The following TLK2 variants were observed in gnomAD, a reference collection of about 807,000 sequenced individuals.
TLK2 encodes serine/threonine-protein kinase tousled-like 2.
In TLK2, 6 loss-of-function variants were observed where a neutral mutation model predicts 117.3. The observed-to-expected ratio is 0.05, with a 90% CI of 0.03 to 0.10. TLK2 has a LOEUF of 0.10. TLK2 is among the 10% of genes least tolerant of loss of function. The pLI is 1.00. For synonymous variants in TLK2, 257 were observed against 316.7 expected, an observed-to-expected ratio of 0.81 and a Z score of 2.00; for missense variants, 299 against 901.2, an observed-to-expected ratio of 0.33 and a Z score of 8.56.
At chr17:62,539,924 G>GTCATTTCCTTTCTATGTCTAACAAACAT (rs1353582171) in intron 7 of TLK2, among the ~76,000 whole-genome samples, 4 of 152,042 alleles carry the variant, frequency 2.6e-5, no homozygotes, top group African/African-American at 9.7e-5. Flanking sequence ...GTTGCCTCCA[G>GTCATTTCCTTTCTATGTCTAACAAACAT]TCATTTCCTT....
intron 1 of TLK2, 40 bp downstream of exon 1, chr17:62,479,330 TGGGGCATTA>T (rs936312574): frequency 6.4e-6 from 1 of 156,750 alleles, no homozygotes; most frequent in Non-Finnish European, 1.4e-5. Flanking sequence ...ACTCCAGGCC[TGGGGCATTA>T]ACCGTCCTGG....
chr17:62,487,620 C>T (rs141447122), intron 2 of TLK2, among the ~76,000 whole-genome samples: 4,854 of 104,300 alleles, frequency 0.047, 238 homozygotes, highest in South Asian at 0.22. Context: ...TGGCAAGTAT[C>T]TTTTTTTTTT....
chr17:62,516,537 CT>C, intron 2 of TLK2: 1 of 1,609,250 alleles, frequency 6.2e-7, no homozygotes, highest in Non-Finnish European at 8.5e-7. Flanking sequence ...CACGGAGATA[CT>C]GGATACACTC....
intron 10 of TLK2, among the ~76,000 whole-genome samples, chr17:62,563,960 G>C (rs547038117): frequency 8.5e-5 from 13 of 152,256 alleles, no homozygotes; most frequent in Admixed American, 5.9e-4. Flanking sequence ...ACATCAAACT[G>C]GAAGTGTGCA....
At chr17:62,477,099 A>C (rs1310568385), upstream of TLK2, among the ~76,000 whole-genome samples, 1 of 151,966 alleles carries the variant, frequency 6.6e-6, no homozygotes, top group East Asian at 1.9e-4. Flanking sequence ...TCAAAAAAAA[A>C]AAATTTTTTT....
At chr17:62,505,406 G>GTTTTTTTTTTTT (rs1220388129) in intron 2 of TLK2, among the ~76,000 whole-genome samples, 15 of 22,614 alleles carry the variant, frequency 6.6e-4, no homozygotes, top group Admixed American at 1.6e-3. Context: ...ACCATACCCA[G>GTTTTTTTTTTTT]ATTTTTTTTT....
At chr17:62,487,875 G>A (rs12950284) in intron 2 of TLK2, among the ~76,000 whole-genome samples, 1 of 151,540 alleles carries the variant, frequency 6.6e-6, no homozygotes, top group Non-Finnish European at 1.5e-5. Context: ...TGCCTACCTC[G>A]GCCTCCCAAA....
At chr17:62,608,672 A>AC (rs2083493881) in intron 21 of TLK2, among the ~76,000 whole-genome samples, 1 of 152,190 alleles carries the variant, frequency 6.6e-6, no homozygotes, top group Non-Finnish European at 1.5e-5. Context: ...AACTTAGGTA[A>AC]CCACCCCCAT....
At chr17:62,561,127 C>G (rs1412230299) in intron 10 of TLK2, among the ~76,000 whole-genome samples, 1 of 152,142 alleles carries the variant, frequency 6.6e-6, no homozygotes. Flanking sequence ...TGGTTTCCAG[C>G]TTCATCCATG....
intron 14 of TLK2, 91 bp from the exon 15 acceptor site, chr17:62,580,019 AT>A (rs2081093538): frequency 1.2e-6 from 1 of 864,558 alleles, no homozygotes; most frequent in Non-Finnish European, 1.8e-6. Context: ...CTATAATTAT[AT>A]GTATAATGTG....
chr17:62,593,312 A>C (rs1567987949), intron 16 of TLK2, among the ~76,000 whole-genome samples: 1 of 152,124 alleles, frequency 6.6e-6, no homozygotes, highest in Non-Finnish European at 1.5e-5. Context: ...CTTTATAAAC[A>C]CTGTACACAG....
At position 62,614,393 on chromosome 17, in the gene TLK2, A is replaced by G. The variant is rs1326345781; in HGVS notation, c.*1828A>G. On this transcript the variant is annotated 3_prime_UTR_variant, in exon 22 of 22. Transcript: ENST00000346027. ...AGGGCTTAGCCAGAAATATTTAAAG[A>G]TGTAGTATTCCGGCCTGTGAGTTGT... 1 of 152,184 alleles carries G rather than the reference A, an allele frequency of 6.6e-6. No individual in the cohort carries two copies. Among genetic ancestry groups the G allele is most frequent in the Non-Finnish European group, 1.5e-5 (1 of 68,044 alleles). The allele number at this position is 152,184 out of a possible 1,614,324, so 9.4% of individuals were successfully genotyped here.
chr17:62,558,869 A>G (rs1189804768), intron 9 of TLK2, among the ~76,000 whole-genome samples: 5 of 152,260 alleles, frequency 3.3e-5, no homozygotes, highest in African/African-American at 1.2e-4. Flanking sequence ...TAATGAAGCT[A>G]CAAGGTCTCA....
upstream of TLK2, among the ~76,000 whole-genome samples, chr17:62,476,332 A>C (rs868711353): frequency 1.1e-4 from 16 of 151,432 alleles, no homozygotes; most frequent in African/African-American, 3.9e-4. Context: ...GCCTGTAATC[A>C]CAGCACTTTG....
At chr17:62,506,556 A>G (rs927234727) in intron 2 of TLK2, among the ~76,000 whole-genome samples, 7 of 152,184 alleles carry the variant, frequency 4.6e-5, no homozygotes, top group Non-Finnish European at 7.3e-5. Flanking sequence ...GTCTGTTCAC[A>G]ACAGAAGAAG....
intron 10 of TLK2, among the ~76,000 whole-genome samples, chr17:62,562,430 T>C (rs1164213774): frequency 1.3e-5 from 2 of 152,134 alleles, no homozygotes; most frequent in South Asian, 2.1e-4. Flanking sequence ...TTGAATACTT[T>C]AAAAATTTTA....
chr17:62,555,729 G>A lies in TLK2; in HGVS notation c.720+1974G>A, dbSNP rs1040320066. On this transcript the variant is annotated intron_variant, in intron 9 of 21. Coordinates refer to ENST00000346027, the MANE Select transcript of TLK2 (RefSeq NM_006852.6). Reference sequence around the variant, plus strand: ...CCTGACCTTGTGATCCACCCACCTCGGCCTCCCAAAGTGCTGGGATTACAG... The same window carrying A: ...CCTGACCTTGTGATCCACCCACCTCAGCCTCCCAAAGTGCTGGGATTACAG... 7.6e-4 allele frequency among the ~76,000 whole-genome samples: 115 copies of A among 151,532 alleles called. 1 individual carries two copies. The highest frequency in any genetic ancestry group is 2.8e-3 in the African/African-American group (114 of 41,366).
intron 9 of TLK2, among the ~76,000 whole-genome samples, chr17:62,558,583 A>G (rs1483659002): frequency 6.6e-6 from 1 of 152,254 alleles, no homozygotes; most frequent in Non-Finnish European, 1.5e-5. Flanking sequence ...ACATTTGATT[A>G]TAGATTTCAA....
intron 7 of TLK2, among the ~76,000 whole-genome samples, chr17:62,539,473 C>CTTT (rs1047610954): frequency 1.5e-5 from 2 of 129,068 alleles, no homozygotes; most frequent in South Asian, 2.5e-4. Context: ...ACCTCCCTCT[C>CTTT]TTTTTTTTTT....
Sources: allele counts gnomAD v4.1 joint callset (sites outside exome capture counted in the v4.1 genomes callset), GRCh38; gene constraint gnomAD v4.1.1; transcripts MANE v1.5; gene names NCBI Gene and HGNC (gene_info 2026-07-23, HGNC 2026-07-21).